The following SLC39A10 variants were observed in gnomAD, a reference collection of about 807,000 sequenced individuals.
The protein encoded by SLC39A10 is solute carrier family 39 member 10.
SLC39A10 carries 13 observed loss-of-function variants against 65.1 expected under a neutral mutation model. The ratio of observed to expected loss-of-function variants is 0.20; its 90% CI spans 0.13 to 0.32. The LOEUF (loss-of-function observed/expected upper bound fraction) is 0.32, where lower values mean the gene tolerates loss of function less well. Among genes scored for constraint, SLC39A10 ranks in the 10% least tolerant of loss-of-function variants. The pLI is 1.00. For missense variants in SLC39A10, 831 were observed against 1,018.4 expected (o/e 0.82, Z 2.50); for synonymous variants, 321 against 342.2 (o/e 0.94, Z 0.68).
intron 2 of SLC39A10, among the ~76,000 whole-genome samples, chr2:195,617,765 A>T (rs1282321080): frequency 1.4e-5 from 1 of 69,008 alleles, no homozygotes; most frequent in East Asian, 3.1e-4. Context: ...TTTTTGAGAC[A>T]GAGTCTCACT....
intron 1 of SLC39A10, among the ~76,000 whole-genome samples, chr2:195,669,034 C>T (rs1399239482): frequency 6.7e-6 from 1 of 149,986 alleles, no homozygotes; most frequent in Non-Finnish European, 1.5e-5. Flanking sequence ...GAGATCGTGC[C>T]ACTGTGCTCC....
At position 195,737,204 on chromosome 2, in the gene SLC39A10, A is replaced by T. The variant is rs1462797306; in HGVS notation, c.*2163A>T. Reference sequence around the variant, plus strand: ...AGGGTTCCACATCATTCTAATGTATAGTTTCAAGTCTTAATAGACAATCTG... The same window carrying T: ...AGGGTTCCACATCATTCTAATGTATTGTTTCAAGTCTTAATAGACAATCTG... On this transcript the variant is annotated 3_prime_UTR_variant, in exon 10 of 10. Transcript: ENST00000359634. The T allele has an allele frequency of 6.6e-6, 1 of 152,652 alleles. No homozygotes were observed. Among genetic ancestry groups the T allele is most frequent in the African/African-American group, 2.4e-5 (1 of 41,460 alleles). The allele number at this position is 152,652 out of a possible 1,614,324, so 9.5% of individuals were successfully genotyped here. A position where few individuals can be genotyped will look rare whatever the true frequency, so the allele number is the denominator to read the frequency against.
At chr2:195,629,642 T>A (rs1688543843) in intron 2 of SLC39A10, among the ~76,000 whole-genome samples, 1 of 152,218 alleles carries the variant, frequency 6.6e-6, no homozygotes, top group South Asian at 2.1e-4. Flanking sequence ...CTGGAGGAGA[T>A]TCTTTTATCT....
At chr2:195,650,768 T>G (rs1689014428) in intron 2 of SLC39A10, among the ~76,000 whole-genome samples, 1 of 152,198 alleles carries the variant, frequency 6.6e-6, no homozygotes, top group Non-Finnish European at 1.5e-5. Flanking sequence ...CAATTCAGAA[T>G]GATCTCAGGC....
chr2:195,689,369 C>T (rs1690639523), intron 3 of SLC39A10, among the ~76,000 whole-genome samples: 1 of 151,962 alleles, frequency 6.6e-6, no homozygotes, highest in Non-Finnish European at 1.5e-5. Flanking sequence ...CTGTAGTGAG[C>T]TGTGATCACA....
intron 2 of SLC39A10, among the ~76,000 whole-genome samples, chr2:195,617,931 G>T (rs1252576344): frequency 5.3e-5 from 8 of 149,946 alleles, no homozygotes; most frequent in Non-Finnish European, 7.4e-5. Context: ...AGTAGAGACG[G>T]GGTTTCACCA....
At chr2:195,621,244 A>C (rs1471047448) in intron 2 of SLC39A10, among the ~76,000 whole-genome samples, 1 of 152,220 alleles carries the variant, frequency 6.6e-6, no homozygotes, top group Non-Finnish European at 1.5e-5. Context: ...CAAAATTTGA[A>C]TATACATTAT....
chr2:195,653,397 G>A (rs967289315), upstream of SLC39A10, among the ~76,000 whole-genome samples: 21 of 151,556 alleles, frequency 1.4e-4, no homozygotes, highest in African/African-American at 3.6e-4. Flanking sequence ...GGGTTCAAGC[G>A]AGTCTCCCTG....
intron 2 of SLC39A10, among the ~76,000 whole-genome samples, chr2:195,626,925 T>C (rs1688486061): frequency 6.6e-6 from 1 of 152,234 alleles, no homozygotes; most frequent in African/African-American, 2.4e-5. Flanking sequence ...TAAATAGTTG[T>C]AGCCTGGAGA....
rs140076586 is a variant in SLC39A10, at chr2:195,735,262, A to G, written c.*221A>G. The G allele has an allele frequency of 5.1e-5, 19 of 369,612 alleles. No homozygotes were observed. The highest frequency in any genetic ancestry group is 7.0e-4 in the Middle Eastern group (1 of 1,426). The allele number at this position is 369,612 out of a possible 1,614,324, so 22.9% of individuals were successfully genotyped here. Reference sequence around the variant, plus strand: ...AAGCTTGTGATAAAGAGAGGAGAATATGGGACTCCATGAACCAGTGTTGAT... The same window carrying G: ...AAGCTTGTGATAAAGAGAGGAGAATGTGGGACTCCATGAACCAGTGTTGAT... On this transcript the variant is annotated 3_prime_UTR_variant, in exon 10 of 10. Coordinates refer to ENST00000359634, the MANE Select transcript of SLC39A10 (RefSeq NM_020342.3).
At chr2:195,715,525 C>CAAAAAA (rs545656309) in intron 6 of SLC39A10, among the ~76,000 whole-genome samples, 6 of 61,582 alleles carry the variant, frequency 9.7e-5, no homozygotes, top group East Asian at 4.2e-4. Flanking sequence ...GACTCTGTCT[C>CAAAAAA]AAAAAAAAAA....
chr2:195,685,346 T>C (rs1574269553), intron 3 of SLC39A10, among the ~76,000 whole-genome samples: 1 of 152,308 alleles, frequency 6.6e-6, no homozygotes, highest in Non-Finnish European at 1.5e-5. Context: ...ATTTTTTATA[T>C]CTCTGGAACA....
chr2:195,722,954 A>G (rs1351392018), intron 8 of SLC39A10, among the ~76,000 whole-genome samples: 5 of 152,302 alleles, frequency 3.3e-5, no homozygotes, highest in East Asian at 1.9e-4. Flanking sequence ...CCCGTGGTAT[A>G]TTCACTGAGA....
chr2:195,689,554 T>G (rs760302970), intron 3 of SLC39A10, among the ~76,000 whole-genome samples: 11 of 152,228 alleles, frequency 7.2e-5, no homozygotes, highest in Non-Finnish European at 1.3e-4. Flanking sequence ...TTTACTGTGA[T>G]GAAATACAGT....
rs6712831 is a variant in SLC39A10, at chr2:195,619,112, A to G, written c.-12+12879A>G. ...TGTCTCAAAAAAAAAAAAAAAAAAA[A>G]AAAGAGAGAGAGAGAAAGGAAAGAA... On this transcript the variant is annotated intron_variant, in intron 2 of 2. Transcript: ENST00000458054. 6.8e-5 allele frequency among the ~76,000 whole-genome samples: 9 copies of G among 131,524 alleles called. No individual in the cohort carries two copies. The East Asian group carries it at 1.8e-3, about 27-fold the overall frequency. The allele number at this position is 131,524 out of a possible 152,430, so 86.3% of individuals were successfully genotyped here.
upstream of SLC39A10, among the ~76,000 whole-genome samples, chr2:195,651,890 G>T (rs1186028720): frequency 6.6e-6 from 1 of 152,168 alleles, no homozygotes; most frequent in African/African-American, 2.4e-5. Context: ...TCAATGAAAA[G>T]AGTCAAATTC....
intron 4 of SLC39A10, 34 bp from the exon 5 acceptor site, chr2:195,708,622 T>C (rs2105813835): frequency 1.4e-6 from 2 of 1,456,234 alleles, no homozygotes; most frequent in East Asian, 2.4e-5. Context: ...ATTTCAATTA[T>C]TTGTTTAGAA....
At chr2:195,732,793 C>T (rs1215222420) in intron 9 of SLC39A10, among the ~76,000 whole-genome samples, 9 of 152,152 alleles carry the variant, frequency 5.9e-5, no homozygotes, top group Admixed American at 5.9e-4. Context: ...TTCAACTCTG[C>T]TGTGGTAGTG....
intron 2 of SLC39A10, among the ~76,000 whole-genome samples, chr2:195,636,860 A>G (rs1349020279): frequency 6.6e-6 from 1 of 152,076 alleles, no homozygotes; most frequent in African/African-American, 2.4e-5. Flanking sequence ...ACATGGAGAA[A>G]CCCCATCTCC....
Sources: allele counts gnomAD v4.1 joint callset (sites outside exome capture counted in the v4.1 genomes callset), GRCh38; gene constraint gnomAD v4.1.1; transcripts MANE v1.5; gene names NCBI Gene and HGNC (gene_info 2026-07-23, HGNC 2026-07-21).